Variants in STK10 observed in about 807,000 individuals in gnomAD.
STK10 encodes the protein serine/threonine-protein kinase 10.
A neutral mutation model predicts 113.8 loss-of-function variants in STK10; 78 were observed. That is an observed-to-expected ratio of 0.69 (90% CI 0.57 to 0.83). The LOEUF (loss-of-function observed/expected upper bound fraction) is 0.83. Among genes scored for constraint, STK10 ranks in the 40% least tolerant of loss-of-function variants. STK10 has a pLI of 0.00. For synonymous variants in STK10, 465 were observed against 494.7 expected, an observed-to-expected ratio of 0.94 and a Z score of 0.80; for missense variants, 1,109 against 1,280.1, an observed-to-expected ratio of 0.87 and a Z score of 2.04.
chr5:172,083,075 T>A lies in STK10; in HGVS notation c.1695A>T (p.Glu565Asp), dbSNP rs780834044. The A allele has an allele frequency of 1.9e-6, 3 of 1,613,920 alleles. No homozygotes were observed. Among genetic ancestry groups the A allele is most frequent in the African/African-American group, 1.3e-5 (1 of 74,908 alleles). ...TCTGGAGCAGCCGAAGCTCTCGGAGTTCCTGGCGCCTGAAAGGTTAAAGGA... is the reference window on the plus strand; with the variant it reads ...TCTGGAGCAGCCGAAGCTCTCGGAGATCCTGGCGCCTGAAAGGTTAAAGGA... ...DEEMRFLRRQ[E>D]LRELRLLQKE... Residue 565 changes from glutamate (E) to aspartate (D), a missense_variant, in exon 11 of 19, where the codon GAA becomes GAT. By Grantham distance (45) the Glu-to-Asp change is conservative (BLOSUM62 2). Coordinates refer to ENST00000176763, the MANE Select transcript of STK10 (RefSeq NM_005990.4).
intron 3 of STK10, among the ~76,000 whole-genome samples, chr5:172,118,314 C>T (rs1769432628): frequency 6.6e-6 from 1 of 152,132 alleles, no homozygotes; most frequent in South Asian, 2.1e-4. Flanking sequence ...TCTGCAGACA[C>T]TGAGAGGGCA....
At chr5:172,153,375 C>T (rs949729837) in intron 2 of STK10, among the ~76,000 whole-genome samples, 3 of 152,150 alleles carry the variant, frequency 2.0e-5, no homozygotes, top group Non-Finnish European at 2.9e-5. Flanking sequence ...TGGTCTAGAG[C>T]ATTTTGGCTT....
intron 2 of STK10, among the ~76,000 whole-genome samples, chr5:172,155,255 T>C (rs767856264): frequency 1.3e-5 from 2 of 152,158 alleles, no homozygotes; most frequent in Non-Finnish European, 2.9e-5. Context: ...CCCAGCATTT[T>C]GGGCAGCCGA....
rs746184863 is a variant in STK10, at chr5:172,082,482, C to T, written c.1833G>A (p.Thr611=). The T allele has an allele frequency of 1.0e-5, 16 of 1,593,184 alleles. No individual in the cohort carries two copies. In the East Asian group the frequency reaches 1.8e-4, roughly 18 times the overall value. ...GCTGACGCTCCAGGTTCTCTAATTC[C>T]GTGTCAAAGAACTTCTTCTTGGCCT... is the stretch of plus-strand genomic sequence containing the variant. ...EINAKKKFFD[T]ELENLERQQK... is the part of the protein sequence containing the mutation. Residue 611 remains threonine (T), a synonymous_variant, in exon 12 of 19, where the codon ACG becomes ACA. Coordinates refer to ENST00000176763, the MANE Select transcript of STK10 (RefSeq NM_005990.4). The surrounding 1 kb of genome is among the most constrained non-coding windows in gnomAD (Gnocchi z 4.3).
chr5:172,170,936 G>A (rs76610299), intron 1 of STK10, among the ~76,000 whole-genome samples: 2,907 of 152,326 alleles, frequency 0.019, 103 homozygotes, highest in African/African-American at 0.066. Context: ...GGTCCACAGA[G>A]GAGGAGGAAG....
chr5:172,136,464 G>C (rs181686752), intron 2 of STK10, among the ~76,000 whole-genome samples: 114 of 152,300 alleles, frequency 7.5e-4, no homozygotes, highest in African/African-American at 2.7e-3. Context: ...AGGTGTGGTG[G>C]CAGGCACCTG....
intron 18 of STK10, among the ~76,000 whole-genome samples, chr5:172,049,234 G>A (rs1302286464): frequency 6.6e-6 from 1 of 152,100 alleles, no homozygotes; most frequent in East Asian, 1.9e-4. Context: ...AGAAATATGT[G>A]TTGCATTAAT....
intron 2 of STK10, among the ~76,000 whole-genome samples, chr5:172,155,299 A>G (rs1770325461): frequency 6.6e-6 from 1 of 152,146 alleles, no homozygotes; most frequent in Admixed American, 6.5e-5. Flanking sequence ...GGAGTTCAAG[A>G]AGAGCCTGAC....
chr5:172,072,205 CCTATT>C (rs539040267), intron 12 of STK10, among the ~76,000 whole-genome samples: 269 of 152,278 alleles, frequency 1.8e-3, no homozygotes, highest in African/African-American at 4.4e-3. Context: ...AAATTCAACA[CCTATT>C]CATAATGAAA....
chr5:172,122,229 T>C (rs1769526541), intron 3 of STK10, among the ~76,000 whole-genome samples: 1 of 152,164 alleles, frequency 6.6e-6, no homozygotes, highest in South Asian at 2.1e-4. Flanking sequence ...ATTCACTTTT[T>C]TAAGGTATAC....
rs1417143872 is a variant in STK10, at chr5:172,059,574, C to G, written c.2212+1565G>C. On this transcript the variant is annotated intron_variant, in intron 14 of 18. Transcript: ENST00000176763. ...AAGACCCAAGGGCTCCATAAAGACC[C>G]CAAGCCACCGTTGCCCTTTGCAGTT... Among the ~76,000 whole-genome samples, 2 of 152,122 alleles carry G rather than the reference C, an allele frequency of 1.3e-5. 1 individual carries two copies. Among genetic ancestry groups the G allele is most frequent in the South Asian group, 4.1e-4 (2 of 4,826 alleles).
Position 172,187,967 on chromosome 5 carries a change from C to A in STK10, c.76G>T (p.Val26Phe), listed in dbSNP as rs147874779. 2 of 1,613,636 alleles carry A rather than the reference C, an allele frequency of 1.2e-6. No homozygotes were observed. The highest frequency in any genetic ancestry group is 2.7e-5 in the African/African-American group (2 of 75,038). ...TCGTTGGGGTCCAGGTCGCGGCGGA[C>A]GTGCTCATATTCGCGGGACTTTCTC... ...EKRKSREYEH[V>F]RRDLDPNEVW... The change falls in exon 1 of 19, where the codon GTC (valine) becomes TTC (phenylalanine). Residue 26 changes from valine (V) to phenylalanine (F), a missense_variant. Transcript: ENST00000176763. This position sits in a 1 kb window ranked among gnomAD's most constrained non-coding sequence, Gnocchi z 4.6.
At chr5:172,066,845 A>T (rs1326643276) in intron 12 of STK10, among the ~76,000 whole-genome samples, 1 of 152,218 alleles carries the variant, frequency 6.6e-6, no homozygotes, top group Non-Finnish European at 1.5e-5. Flanking sequence ...GTGAACACAG[A>T]GATTCACCCC....
rs1768788248 is a variant in STK10 at position 172,093,950 on chromosome 5, T to G, written c.1016A>C (p.Asn339Thr). 1 of 1,489,048 alleles carries G rather than the reference T, an allele frequency of 6.7e-7. No individual in the cohort carries two copies. The highest frequency in any genetic ancestry group is 1.4e-5 in the African/African-American group (1 of 71,326). 92.2% of individuals were successfully genotyped at this position (1,489,048 alleles called of 1,614,324 possible). A position where few individuals can be genotyped will look rare whatever the true frequency, so the allele number is the denominator to read the frequency against. ...DAVDAASTLE[N>T]HTQNSSEVSP... ...CACCTCAGAGGAGTTCTGAGTATGG[T>G]TCTCCAGGGTCTAGAAAAATATATA... The change falls in exon 9 of 19, where the codon AAC becomes ACC. Residue 339 changes from asparagine (N) to threonine (T), a missense_variant. Physicochemically the swap from Asn to Thr is moderately conservative, Grantham distance 65. Around this residue, in one of 5 missense-constraint regions of STK10, gnomAD observed 885 missense variants for 991.1 expected, o/e 0.89. Coordinates refer to ENST00000176763, the MANE Select transcript of STK10 (RefSeq NM_005990.4). This position sits in a 1 kb window ranked among gnomAD's most constrained non-coding sequence, Gnocchi z 4.1.
intron 1 of STK10, among the ~76,000 whole-genome samples, chr5:172,159,440 G>GCGGGA (rs1770421537): frequency 6.6e-6 from 1 of 152,206 alleles, no homozygotes; most frequent in Admixed American, 6.5e-5. Context: ...TGCTTGAGAG[G>GCGGGA]CTGAGGCGGG....
chr5:172,077,329 T>C (rs1768333865), intron 12 of STK10, among the ~76,000 whole-genome samples: 1 of 152,244 alleles, frequency 6.6e-6, no homozygotes, highest in African/African-American at 2.4e-5. Flanking sequence ...ATTCTGTTTA[T>C]TGAACTTTGC....
At chr5:172,048,835 C>G (rs1265404751) in intron 18 of STK10, among the ~76,000 whole-genome samples, 2 of 152,084 alleles carry the variant, frequency 1.3e-5, no homozygotes, top group Non-Finnish European at 2.9e-5. Context: ...GCAGGCCCCC[C>G]ACCCCTCTGA....
chr5:172,085,823 G>C (rs1199382392), intron 10 of STK10, among the ~76,000 whole-genome samples: 1 of 152,116 alleles, frequency 6.6e-6, no homozygotes, highest in Admixed American at 6.5e-5. Context: ...CTCAGGGTTG[G>C]GGTCCGTGAG....
intron 7 of STK10, among the ~76,000 whole-genome samples, chr5:172,098,705 G>A (rs1768910246): frequency 6.6e-6 from 1 of 152,174 alleles, no homozygotes; most frequent in Non-Finnish European, 1.5e-5. Context: ...AAGAGTGCTG[G>A]CTGTAGACTC....
Sources: gnomAD v4.1 joint callset for allele counts (sites outside exome capture counted in the v4.1 genomes callset) on GRCh38, gnomAD v4.1.1 for gene constraint, gnomAD v4.1.1 regional missense constraint, Gnocchi (gnomAD v3.1) non-coding constraint, MANE v1.5 for transcripts, NCBI Gene and HGNC (gene_info 2026-07-23, HGNC 2026-07-21) for gene names.